Variants in TIAM1 observed in about 807,000 individuals in gnomAD.
TIAM1 encodes TIAM Rac1 associated GEF 1, also known as rho guanine nucleotide exchange factor TIAM1.
A neutral mutation model predicts 163.5 loss-of-function variants in TIAM1; 65 were observed. The observed-to-expected ratio is 0.40, with a 90% CI of 0.33 to 0.49. The LOEUF is 0.49. TIAM1 is among the 20% of genes least tolerant of loss of function. TIAM1 has a pLI of 0.77. For synonymous variants in TIAM1, 833 were observed against 810.1 expected, an observed-to-expected ratio of 1.03 and a Z score of -0.48; for missense variants, 1,789 against 2,044.7, an observed-to-expected ratio of 0.87 and a Z score of 2.41.
intron 11 of TIAM1, among the ~76,000 whole-genome samples, chr21:31,208,491 A>C (rs1049241960): frequency 6.6e-6 from 1 of 152,196 alleles, no homozygotes; most frequent in Non-Finnish European, 1.5e-5. Flanking sequence ...TCCTCTACAG[A>C]CCAATTTTGT....
intron 2 of TIAM1, among the ~76,000 whole-genome samples, chr21:31,317,819 A>G (rs2075180028): frequency 6.6e-6 from 1 of 152,074 alleles, no homozygotes; most frequent in African/African-American, 2.4e-5. Flanking sequence ...GAAAAACCCC[A>G]CCACTGCTTA....
At chr21:31,509,520 A>C (rs2047141228) in intron 1 of TIAM1, among the ~76,000 whole-genome samples, 1 of 152,142 alleles carries the variant, frequency 6.6e-6, no homozygotes, top group Non-Finnish European at 1.5e-5. Context: ...CTGTCAACAC[A>C]AACACCCACA....
intron 2 of TIAM1, among the ~76,000 whole-genome samples, chr21:31,463,460 C>T (rs2045407215): frequency 1.3e-5 from 2 of 152,150 alleles, no homozygotes; most frequent in Admixed American, 6.6e-5. Context: ...ATCACTGTCA[C>T]CTCCTAATTG....
chr21:31,150,905 T>C (rs916833552), intron 19 of TIAM1, among the ~76,000 whole-genome samples: 5 of 152,248 alleles, frequency 3.3e-5, no homozygotes, highest in African/African-American at 1.2e-4. Flanking sequence ...AATAACCCAG[T>C]AAAATAAATG....
chr21:31,162,796 T>G (rs1281717676), intron 16 of TIAM1, among the ~76,000 whole-genome samples: 1 of 152,096 alleles, frequency 6.6e-6, no homozygotes, highest in African/African-American at 2.4e-5. Flanking sequence ...TTGAGAAAAT[T>G]CTGTCCCTTT....
chr21:31,210,580 A>G (rs566389843), intron 10 of TIAM1, among the ~76,000 whole-genome samples: 1 of 122,212 alleles, frequency 8.2e-6, no homozygotes, highest in African/African-American at 4.1e-5. Context: ...GAAAGAAAGA[A>G]AGAAAGAAAG....
intron 1 of TIAM1, among the ~76,000 whole-genome samples, chr21:31,555,963 A>C (rs934899324): frequency 5.9e-5 from 9 of 151,782 alleles, no homozygotes; most frequent in African/African-American, 2.2e-4. Context: ...GGGGGAGGGG[A>C]GAAGAGAGGA....
chr21:31,142,151 G>A (rs1368559374), intron 20 of TIAM1, among the ~76,000 whole-genome samples: 1 of 152,076 alleles, frequency 6.6e-6, no homozygotes, highest in Admixed American at 6.5e-5. Flanking sequence ...TGGCCCGCAT[G>A]GCATGGGGTG....
At chr21:31,430,273 C>CACAT (rs1022029715) in intron 2 of TIAM1, among the ~76,000 whole-genome samples, 68 of 126,210 alleles carry the variant, frequency 5.4e-4, no homozygotes, top group South Asian at 2.4e-3. Flanking sequence ...CACACACACA[C>CACAT]ATATATATAT....
At chr21:31,307,751 G>C (rs1399352106) in intron 2 of TIAM1, among the ~76,000 whole-genome samples, 4 of 152,146 alleles carry the variant, frequency 2.6e-5, no homozygotes, top group African/African-American at 9.7e-5. Context: ...AGGGGTAAGG[G>C]GAGAGGGGCC....
intron 1 of TIAM1, among the ~76,000 whole-genome samples, chr21:31,534,569 G>T (rs1229872326): frequency 2.6e-5 from 4 of 152,122 alleles, no homozygotes; most frequent in African/African-American, 9.7e-5. Context: ...CAGCTACTCG[G>T]GAAGCTGAGA....
intron 23 of TIAM1, among the ~76,000 whole-genome samples, chr21:31,133,592 C>T (rs1329228263): frequency 6.6e-6 from 1 of 152,254 alleles, no homozygotes; most frequent in Non-Finnish European, 1.5e-5. Context: ...TTTCCTGAAT[C>T]ACTTACACCA....
intron 16 of TIAM1, among the ~76,000 whole-genome samples, chr21:31,157,327 C>T (rs961140373): frequency 6.6e-6 from 1 of 152,094 alleles, no homozygotes; most frequent in Non-Finnish European, 1.5e-5. Context: ...TAAATGTTTG[C>T]AAAGCAAAAA....
Position 31,551,028 on chromosome 21 carries a change from T to C in TIAM1, c.-422+7899A>G, listed in dbSNP as rs779271417. Among the ~76,000 whole-genome samples the C allele has an allele frequency of 1.3e-4, 20 of 151,808 alleles. No homozygotes were observed. The South Asian group carries it at 1.7e-3, about 13-fold the overall frequency. On this transcript the variant is annotated intron_variant, in intron 1 of 28. Transcript: ENST00000286827. ...GAGTTCAAGACCAGCCTGGCCAAGA[T>C]GGTGAAACCTAGTCTCTACTAAAAA...
intron 2 of TIAM1, among the ~76,000 whole-genome samples, chr21:31,362,330 G>A (rs751113814): frequency 2.0e-5 from 3 of 151,990 alleles, no homozygotes; most frequent in Non-Finnish European, 4.4e-5. Flanking sequence ...GAAAGTAAGT[G>A]AGAAGGGAAG....
intron 2 of TIAM1, among the ~76,000 whole-genome samples, chr21:31,379,843 T>C (rs992500994): frequency 3.3e-5 from 5 of 152,108 alleles, no homozygotes; most frequent in Admixed American, 6.6e-5. Flanking sequence ...ACAAATTAAA[T>C]GGTTGGGGTT....
intron 26 of TIAM1, 63 bp from the exon 27 acceptor site, chr21:31,124,757 G>A (rs566402956): frequency 2.3e-4 from 322 of 1,378,268 alleles, no homozygotes; most frequent in Non-Finnish European, 2.9e-4. Context: ...AACTTCTAAG[G>A]TTATCAGGTG....
At chr21:31,353,214 T>C (rs2076262731) in intron 2 of TIAM1, among the ~76,000 whole-genome samples, 1 of 152,124 alleles carries the variant, frequency 6.6e-6, no homozygotes, top group Admixed American at 6.5e-5. Context: ...ACCCTAACAG[T>C]GGGGGAAATG....
intron 2 of TIAM1, among the ~76,000 whole-genome samples, chr21:31,361,079 T>C (rs957179076): frequency 9.2e-5 from 14 of 152,192 alleles, no homozygotes; most frequent in African/African-American, 2.9e-4. Flanking sequence ...AAGTCCATTG[T>C]AGCACTATTC....
Sources: gnomAD v4.1 joint callset for allele counts (sites outside exome capture counted in the v4.1 genomes callset) on GRCh38, gnomAD v4.1.1 for gene constraint, MANE v1.5 for transcripts, NCBI Gene and HGNC (gene_info 2026-07-23, HGNC 2026-07-21) for gene names.